Variants in SYDE2 observed in about 807,000 individuals in gnomAD.
SYDE2 encodes the protein synapse defective Rho GTPase homolog 2.
SYDE2 carries 76 observed loss-of-function variants against 91.5 expected under a neutral mutation model. That is an observed-to-expected ratio of 0.83 (90% confidence interval 0.69 to 1.01). The LOEUF (loss-of-function observed/expected upper bound fraction) is 1.01. Ranked by LOEUF, SYDE2 falls within the 50% of genes least tolerant of loss-of-function variation. The pLI is 0.00. For missense variants in SYDE2, 1,364 were observed against 1,367.7 expected (o/e 1.00, Z 0.04); for synonymous variants, 513 against 506.4 (o/e 1.01, Z -0.18).
intron 2 of SYDE2, among the ~76,000 whole-genome samples, chr1:85,185,306 G>C (rs922218556): frequency 3.4e-5 from 5 of 149,208 alleles, no homozygotes. Flanking sequence ...AAAGGAGATA[G>C]TAAAAAAAGC....
chr1:85,178,178 TCA>T lies in SYDE2; in HGVS notation c.2637_2638del (p.Cys879Ter). 1 of 1,583,188 alleles carries T rather than the reference TCA, an allele frequency of 6.3e-7. No homozygotes were observed. The highest frequency in any genetic ancestry group is 1.8e-5 in the Admixed American group (1 of 55,828). ...TACATTTATATCTGGGTACTGGTTT[TCA>T]CACAGACCAACAGCTTTGCTATCTC... On this transcript the variant is annotated stop_gained and frameshift_variant, in exon 4 of 7. Transcript: ENST00000341460. LOFTEE classifies it high-confidence loss of function.
Position 85,200,790 on chromosome 1 carries a change from C to T in SYDE2, c.207G>A (p.Pro69=), listed in dbSNP as rs1557763260. 1 of 1,512,792 alleles carries T rather than the reference C, an allele frequency of 6.6e-7. No homozygotes were observed. The highest frequency in any genetic ancestry group is 1.2e-5 in the South Asian group (1 of 82,144). 93.7% of individuals were successfully genotyped at this position (1,512,792 alleles called of 1,614,324 possible). A position where few individuals can be genotyped will look rare whatever the true frequency, so the allele number is the denominator to read the frequency against. ...VSPPRSPQRE[P]RGGQLRTPRM... ...GAGGAGTCCGCAGCTGGCCTCCCCGCGGCTCCCTCTGAGGCGACCGGGGCG... is the reference window on the plus strand; with the variant it reads ...GAGGAGTCCGCAGCTGGCCTCCCCGTGGCTCCCTCTGAGGCGACCGGGGCG... Residue 69 remains proline, a synonymous_variant, in exon 1 of 7, where the codon CCG becomes CCA. Transcript: ENST00000341460.
At chr1:85,198,000 C>T (rs918995742) in intron 1 of SYDE2, among the ~76,000 whole-genome samples, 1 of 152,112 alleles carries the variant, frequency 6.6e-6, no homozygotes, top group African/African-American at 2.4e-5. Flanking sequence ...TAAGATTCTC[C>T]CATCTTCTTT....
At chr1:85,168,938 C>T in intron 5 of SYDE2, 106 bp downstream of exon 5, 1 of 1,014,704 alleles carries the variant, frequency 9.9e-7, no homozygotes. Context: ...CTTTTAAATC[C>T]ATGAGTGCCA....
rs976695548 is a variant in SYDE2, at chr1:85,200,444, C to G, written c.553G>C (p.Ala185Pro). ...TTCTGCAGCTTCTTGACTGTCACTG[C>G]CGGCGGCCTGAGGAAGGAGGGGCCT... ...QEGPSFLRPPAVTVKKLQKWM... is the reference protein window; with the variant it reads ...QEGPSFLRPPPVTVKKLQKWM... The change falls in exon 1 of 7, where the codon GCA becomes CCA. Residue 185 changes from alanine (A) to proline (P), a missense_variant. Transcript: ENST00000341460. 1.2e-6 allele frequency: 2 copies of G among 1,613,892 alleles called. No homozygotes were observed. Among genetic ancestry groups the G allele is most frequent in the African/African-American group, 2.7e-5 (2 of 74,936 alleles).
Position 85,190,700 on chromosome 1 carries a change from CTCT to C in SYDE2, c.795_797del (p.Glu266del). 1 of 1,613,466 alleles carries C rather than the reference CTCT, an allele frequency of 6.2e-7. No individual in the cohort carries two copies. Among genetic ancestry groups the C allele is most frequent in the Non-Finnish European group, 8.5e-7 (1 of 1,179,760 alleles). ...CTCTGAATTCAATATTATCCTTCAG[CTCT>C]TCAAGTTCTCTTCCCTTCATTGAAG... On this transcript the variant is annotated inframe_deletion, in exon 2 of 7. Coordinates refer to ENST00000341460, the MANE Select transcript of SYDE2 (RefSeq NM_032184.2).
At chr1:85,181,866 G>A (rs546389281) in intron 3 of SYDE2, 1 of 370,300 alleles carries the variant, frequency 2.7e-6, no homozygotes, top group East Asian at 4.6e-5. Context: ...TAAGACCCAT[G>A]AAGCTCTGTG....
chr1:85,190,171 T>C lies in SYDE2; in HGVS notation c.1327A>G (p.Ile443Val), dbSNP rs191135282. ...QTTRSNGMNP[I>V]HPAHSTEFVQ... ...AATTCTGTGGAATGGGCAGGATGTA[T>C]AGGATTCATTCCATTTGACCGTGTG... is the stretch of plus-strand genomic sequence containing the variant. Residue 443 changes from isoleucine (I) to valine (V), a missense_variant, in exon 2 of 7, where the codon ATA becomes GTA. Coordinates refer to ENST00000341460, the MANE Select transcript of SYDE2 (RefSeq NM_032184.2). 1.1e-4 allele frequency: 182 copies of C among 1,614,002 alleles called. No individual in the cohort carries two copies. The African/African-American group carries it at 1.9e-3, about 17-fold the overall frequency.
chr1:85,199,414 T>C (rs1216826974), intron 1 of SYDE2, among the ~76,000 whole-genome samples: 3 of 152,220 alleles, frequency 2.0e-5, no homozygotes, highest in South Asian at 2.1e-4. Flanking sequence ...CCTTCAGTGA[T>C]AGTTAAAAAT....
chr1:85,194,467 TATA>T (rs1427788673), intron 1 of SYDE2, among the ~76,000 whole-genome samples: 2 of 147,930 alleles, frequency 1.4e-5, no homozygotes, highest in Non-Finnish European at 1.5e-5. Flanking sequence ...ACATACAATA[TATA>T]ATAAAATATA....
intron 6 of SYDE2, among the ~76,000 whole-genome samples, chr1:85,159,643 A>C (rs1656988186): frequency 6.6e-6 from 1 of 152,248 alleles, no homozygotes; most frequent in South Asian, 2.1e-4. Flanking sequence ...AAATATAACA[A>C]GAAGTTCCTT....
chr1:85,182,989 A>G lies in SYDE2; in HGVS notation c.1653T>C (p.Tyr551=), dbSNP rs991893683. Reference sequence around the variant, plus strand: ...AAGGAGTATTATCTGGACTGTTTATATAATTCAATGTTCCCTTAACGCTTA... The same window carrying G: ...AAGGAGTATTATCTGGACTGTTTATGTAATTCAATGTTCCCTTAACGCTTA... ...RKLSVKGTLN[Y]INSPDNTPSL... is the part of the protein sequence containing the mutation. Residue 551 remains tyrosine (Y), a synonymous_variant, in exon 3 of 7, where the codon TAT becomes TAC. Transcript: ENST00000341460. The G allele has an allele frequency of 6.8e-6, 11 of 1,613,310 alleles. No individual in the cohort carries two copies. In the African/African-American group the frequency reaches 1.3e-4, roughly 20 times the overall value.
chr1:85,185,973 A>G (rs927486279), intron 2 of SYDE2, among the ~76,000 whole-genome samples: 3 of 152,172 alleles, frequency 2.0e-5, no homozygotes, highest in Non-Finnish European at 4.4e-5. Flanking sequence ...ACGTCCCATC[A>G]ATACCTAATT....
Position 85,200,900 on chromosome 1 carries a change from G to T in SYDE2, c.97C>A (p.Pro33Thr). The T allele has an allele frequency of 7.5e-7, 1 of 1,328,836 alleles. No homozygotes were observed. The highest frequency in any genetic ancestry group is 9.5e-7 in the Non-Finnish European group (1 of 1,048,636). 82.3% of individuals were successfully genotyped at this position (1,328,836 alleles called of 1,614,324 possible). ...CGGCGGTACGCGGCGCCGCGGGAAG[G>T]CGGCTGGCCCGGAGCCCGGGCTCCC... ...PAGARAPGQP[P>T]SRGAAYRRAC... The change falls in exon 1 of 7, where the codon CCT becomes ACT. Residue 33 changes from proline (P) to threonine (T), a missense_variant. Physicochemically the swap from Pro to Thr is conservative, Grantham distance 38. Coordinates refer to ENST00000341460, the MANE Select transcript of SYDE2 (RefSeq NM_032184.2).
chr1:85,192,302 G>A (rs978667870), intron 1 of SYDE2, among the ~76,000 whole-genome samples: 15 of 152,132 alleles, frequency 9.9e-5, no homozygotes, highest in African/African-American at 3.4e-4. Context: ...TAGCTACTTT[G>A]TAGGCTAAGC....
chr1:85,189,841 AT>A (rs1658291945), intron 2 of SYDE2, among the ~76,000 whole-genome samples: 1 of 152,126 alleles, frequency 6.6e-6, no homozygotes, highest in Non-Finnish European at 1.5e-5. Context: ...TCTCAAAAAA[AT>A]AAAATAAAAA....
chr1:85,153,040 A>G (rs1335737026), downstream of SYDE2: 2 of 152,172 alleles, frequency 1.3e-5, no homozygotes, highest in African/African-American at 4.8e-5. Context: ...TTGAAGTGAC[A>G]TTTGAGCAGA....
In SYDE2 at chr1:85,169,175, G is replaced by T. The variant is rs763945036; in HGVS notation, c.2722C>A (p.Gln908Lys). 6.2e-7 allele frequency: 1 copy of T among 1,613,776 alleles called. No homozygotes were observed. ...RELPSPLITK[Q>K]LYEAVLDAMA... ...GCATCTAATACAGCCTCATAAAGCT[G>T]CTTTGTTATCAGAGGAGAAGGGAGT... The change falls in exon 5 of 7, where the codon CAG becomes AAG. Residue 908 changes from glutamine to lysine, a missense_variant. By Grantham distance (53) the Gln-to-Lys change is moderately conservative. Transcript: ENST00000341460.
In SYDE2 at chr1:85,200,369, G is replaced by A. The variant is rs771658486; in HGVS notation, c.628C>T (p.Arg210Cys). 1.2e-6 allele frequency: 2 copies of A among 1,614,004 alleles called. No individual in the cohort carries two copies. The highest frequency in any genetic ancestry group is 1.3e-5 in the African/African-American group (1 of 75,042). The change falls in exon 1 of 7, where the codon CGT becomes TGT. Residue 210 changes from arginine (R) to cysteine (C), a missense_variant. Arg to Cys is a radical substitution (Grantham distance 180, BLOSUM62 -3). Coordinates refer to ENST00000341460, the MANE Select transcript of SYDE2 (RefSeq NM_032184.2). ...LLSLGMKGRA[R>C]GTAPKVTGTQ... ...CCTGTGACTTTGGGAGCCGTCCCACGGGCACGACCCTTCATTCCCAGGGAC... is the reference window on the plus strand; with the variant it reads ...CCTGTGACTTTGGGAGCCGTCCCACAGGCACGACCCTTCATTCCCAGGGAC...
Sources: gnomAD v4.1 joint callset for allele counts (sites outside exome capture counted in the v4.1 genomes callset) on GRCh38, gnomAD v4.1.1 for gene constraint, MANE v1.5 for transcripts, NCBI Gene and HGNC (gene_info 2026-07-23, HGNC 2026-07-21) for gene names.